The following RTF1 variants were observed in gnomAD, a reference collection of about 807,000 sequenced individuals.
RTF1 encodes RNA polymerase-associated protein RTF1 homolog.
In RTF1, 10 loss-of-function variants were observed where a neutral mutation model predicts 95.7. The ratio of observed to expected loss-of-function variants is 0.10; its 90% CI spans 0.06 to 0.18. The LOEUF is 0.18. Among genes scored for constraint, RTF1 ranks in the 10% least tolerant of loss-of-function variants. The probability of loss-of-function intolerance (pLI) is 1.00; values close to 1 mark genes in which losing one functional copy is unlikely to be tolerated. For missense variants in RTF1, 458 were observed against 875.6 expected (o/e 0.52, Z 6.02); for synonymous variants, 305 against 311.8 (o/e 0.98, Z 0.23).
At chr15:41,468,208 A>G (rs2140965711) in intron 6 of RTF1, among the ~76,000 whole-genome samples, 1 of 150,224 alleles carries the variant, frequency 6.7e-6, no homozygotes, top group East Asian at 1.9e-4. Flanking sequence ...CTGTCCTAGT[A>G]GCCACTGATG....
intron 2 of RTF1, among the ~76,000 whole-genome samples, chr15:41,444,693 T>C (rs2140954649): frequency 6.6e-6 from 1 of 152,306 alleles, no homozygotes; most frequent in East Asian, 1.9e-4. Context: ...AATATCCAGC[T>C]GTGTGGTACT....
intron 1 of RTF1, among the ~76,000 whole-genome samples, chr15:41,418,309 G>T (rs911567887): frequency 2.0e-5 from 3 of 152,160 alleles, no homozygotes; most frequent in African/African-American, 7.2e-5. Context: ...CTGAAAATTT[G>T]AATTCTAGGC....
chr15:41,469,351 T>G (rs2050897497), intron 6 of RTF1, among the ~76,000 whole-genome samples: 1 of 151,610 alleles, frequency 6.6e-6, no homozygotes, highest in Non-Finnish European at 1.5e-5. Flanking sequence ...TACACAGTTT[T>G]CTCTCTCTTT....
intron 4 of RTF1, among the ~76,000 whole-genome samples, chr15:41,460,416 C>T (rs1336712145): frequency 2.0e-5 from 3 of 152,150 alleles, no homozygotes; most frequent in African/African-American, 4.8e-5. Flanking sequence ...AGCCACCGCG[C>T]TCGGCTTCAA....
At chr15:41,437,365 G>T (rs1462241662) in intron 1 of RTF1, among the ~76,000 whole-genome samples, 2 of 151,120 alleles carry the variant, frequency 1.3e-5, no homozygotes, top group South Asian at 4.2e-4. Context: ...GCCGGGCGTG[G>T]TGGTGGGCGC....
chr15:41,444,487 G>A (rs1566840916), intron 2 of RTF1, among the ~76,000 whole-genome samples: 1 of 151,952 alleles, frequency 6.6e-6, no homozygotes. Flanking sequence ...TAGAGATGGG[G>A]TTTCACCGTG....
At chr15:41,448,112 C>T (rs2050772297) in intron 2 of RTF1, among the ~76,000 whole-genome samples, 1 of 152,140 alleles carries the variant, frequency 6.6e-6, no homozygotes. Context: ...TCTGCTTAGA[C>T]TCTGTTCTTG....
chr15:41,469,129 A>AT (rs1285869685), intron 6 of RTF1, among the ~76,000 whole-genome samples: 6 of 151,056 alleles, frequency 4.0e-5, no homozygotes, highest in Admixed American at 1.3e-4. Flanking sequence ...CCACCACCTA[A>AT]TTTTGTTTTG....
rs558970176 is a variant in RTF1, at chr15:41,467,490, G to A, written c.889+1238G>A. On this transcript the variant is annotated intron_variant, in intron 6 of 17. Coordinates refer to ENST00000389629, the MANE Select transcript of RTF1 (RefSeq NM_015138.5). ...AGCACTTTGGGAGGCCAAGGTGGGC[G>A]GATCACCTGAGGTCAGGAGCTTGAG... 1.4e-4 allele frequency among the ~76,000 whole-genome samples: 21 copies of A among 152,186 alleles called. 1 individual carries two copies. Among genetic ancestry groups the A allele is most frequent in the East Asian group, 3.9e-4 (2 of 5,184 alleles).
intron 2 of RTF1, among the ~76,000 whole-genome samples, chr15:41,450,812 A>G (rs2050786203): frequency 6.6e-6 from 1 of 151,716 alleles, no homozygotes; most frequent in Middle Eastern, 3.4e-3. Flanking sequence ...TTAGCTGGGC[A>G]TGATGGTGCA....
At chr15:41,470,169 A>C (rs2050902728) in intron 6 of RTF1, 88 bp from the exon 7 acceptor site, 1 of 1,387,730 alleles carries the variant, frequency 7.2e-7, no homozygotes, top group East Asian at 2.3e-5. Context: ...TGTGTATTTG[A>C]GTCCTCTTCC....
At chr15:41,479,635 C>T (rs915235066) in intron 16 of RTF1, among the ~76,000 whole-genome samples, 3 of 151,980 alleles carry the variant, frequency 2.0e-5, no homozygotes, top group Admixed American at 6.6e-5. Flanking sequence ...CGGAGGTGGG[C>T]GGATCACCTG....
At chr15:41,434,706 C>T (rs996480364) in intron 1 of RTF1, among the ~76,000 whole-genome samples, 2 of 151,428 alleles carry the variant, frequency 1.3e-5, no homozygotes, top group African/African-American at 2.4e-5. Context: ...CTGCTCACTG[C>T]AACCTCTGCC....
intron 3 of RTF1, among the ~76,000 whole-genome samples, chr15:41,453,272 C>G (rs891695802): frequency 3.9e-5 from 6 of 152,088 alleles, no homozygotes; most frequent in Admixed American, 3.9e-4. Flanking sequence ...GAAACCTATC[C>G]CTGGAACCCA....
intron 1 of RTF1, among the ~76,000 whole-genome samples, chr15:41,422,216 A>G (rs999125618): frequency 6.7e-6 from 1 of 150,332 alleles, no homozygotes; most frequent in East Asian, 1.9e-4. Flanking sequence ...TTGTATTTTC[A>G]GTAGAGACGC....
At chr15:41,469,769 C>T (rs2050900229) in intron 6 of RTF1, among the ~76,000 whole-genome samples, 1 of 152,156 alleles carries the variant, frequency 6.6e-6, no homozygotes. Flanking sequence ...AAGTGATCCA[C>T]CTGCCTCTGC....
chr15:41,467,536 G>A (rs1566847131), intron 6 of RTF1, among the ~76,000 whole-genome samples: 3 of 152,068 alleles, frequency 2.0e-5, no homozygotes. Context: ...CAAACATGGT[G>A]AAACCCCATC....
chr15:41,450,449 G>C (rs779278832), intron 2 of RTF1, among the ~76,000 whole-genome samples: 1 of 152,006 alleles, frequency 6.6e-6, no homozygotes, highest in Non-Finnish European at 1.5e-5. Flanking sequence ...GCCGGGCGTG[G>C]TGGCATATGC....
intron 3 of RTF1, among the ~76,000 whole-genome samples, chr15:41,457,261 C>T (rs554722472): frequency 2.0e-5 from 3 of 152,118 alleles, no homozygotes; most frequent in African/African-American, 4.8e-5. Context: ...AATAAATAGG[C>T]GCAGTGGCTC....
Sources: gnomAD v4.1 joint callset for allele counts (sites outside exome capture counted in the v4.1 genomes callset) on GRCh38, gnomAD v4.1.1 for gene constraint, MANE v1.5 for transcripts, NCBI Gene and HGNC (gene_info 2026-07-23, HGNC 2026-07-21) for gene names.